VAV3: variants seen among roughly 807,000 people sequenced by gnomAD.
VAV3 encodes the protein guanine nucleotide exchange factor VAV3.
Under a neutral mutation model 131.2 loss-of-function variants are expected in VAV3, and 94 were observed. The observed-to-expected ratio is 0.72, with a 90% confidence interval of 0.61 to 0.85. The LOEUF (loss-of-function observed/expected upper bound fraction) is 0.85, where lower values mean the gene tolerates loss of function less well. VAV3 is among the 40% of genes least tolerant of loss of function. The pLI is 0.00. For synonymous variants in VAV3, 349 were observed against 342.0 expected (o/e 1.02, Z -0.22); for missense variants, 939 against 1,002.7 (o/e 0.94, Z 0.86).
intron 1 of VAV3, among the ~76,000 whole-genome samples, chr1:107,940,182 T>C (rs867688195): frequency 6.6e-6 from 1 of 152,214 alleles, no homozygotes; most frequent in Non-Finnish European, 1.5e-5. Context: ...TTGAAACAGC[T>C]TCAAGCTGTA....
intron 4 of VAV3, 78 bp downstream of exon 4, chr1:107,777,153 T>C: frequency 7.6e-7 from 1 of 1,312,036 alleles, no homozygotes; most frequent in Non-Finnish European, 1.1e-6. Flanking sequence ...GATAGCTTAC[T>C]TTAACATCCA....
chr1:107,705,921 A>G (rs1362234890), intron 15 of VAV3, among the ~76,000 whole-genome samples: 1 of 152,204 alleles, frequency 6.6e-6, no homozygotes, highest in African/African-American at 2.4e-5. Flanking sequence ...CAAGGAGGAG[A>G]TTCAGCAATG....
intron 1 of VAV3, among the ~76,000 whole-genome samples, chr1:107,887,222 C>T (rs778792947): frequency 2.6e-5 from 4 of 152,204 alleles, no homozygotes; most frequent in African/African-American, 4.8e-5. Flanking sequence ...CGCTCTTACC[C>T]GCATGGCAGA....
At chr1:107,853,056 T>C (rs1669299814) in intron 2 of VAV3, among the ~76,000 whole-genome samples, 1 of 152,232 alleles carries the variant, frequency 6.6e-6, no homozygotes, top group Non-Finnish European at 1.5e-5. Context: ...AAAGCATGTT[T>C]ACTGGTCACT....
At chr1:107,593,194 C>A (rs893334394) in intron 25 of VAV3, among the ~76,000 whole-genome samples, 1 of 152,064 alleles carries the variant, frequency 6.6e-6, no homozygotes, top group Non-Finnish European at 1.5e-5. Flanking sequence ...TAATTCTAAT[C>A]AATATCTTTT....
intron 2 of VAV3, among the ~76,000 whole-genome samples, chr1:107,782,928 AAT>A (rs1665773543): frequency 1.3e-5 from 2 of 152,334 alleles, no homozygotes; most frequent in African/African-American, 4.8e-5. Context: ...GTTACCACAA[AAT>A]AATAGGAAAT....
intron 8 of VAV3, among the ~76,000 whole-genome samples, chr1:107,765,419 G>A (rs1221964636): frequency 1.3e-5 from 2 of 152,070 alleles, no homozygotes; most frequent in Admixed American, 1.3e-4. Flanking sequence ...TTTATAGCAG[G>A]CAGAATTTAC....
intron 2 of VAV3, among the ~76,000 whole-genome samples, chr1:107,789,354 C>T (rs920836471): frequency 6.6e-5 from 10 of 152,164 alleles, no homozygotes; most frequent in African/African-American, 2.2e-4. Context: ...AAGGCCAGAA[C>T]GATAGGATCT....
In VAV3 at chr1:107,694,175, T is replaced by C. The variant is rs1357050667; in HGVS notation, c.1706-5769A>G. 4.6e-5 allele frequency among the ~76,000 whole-genome samples: 7 copies of C among 152,178 alleles called. No individual in the cohort carries two copies. In the East Asian group the frequency reaches 1.2e-3, roughly 25 times the overall value. On this transcript the variant is annotated intron_variant, in intron 17 of 26. Coordinates refer to ENST00000370056, the MANE Select transcript of VAV3 (RefSeq NM_006113.5). Reference sequence around the variant, plus strand: ...CCTTGGCAAATGCATAAAGCCTACATAGAAATAATTAGAGAACAATTTAAT... The same window carrying C: ...CCTTGGCAAATGCATAAAGCCTACACAGAAATAATTAGAGAACAATTTAAT...
chr1:107,668,602 A>G (rs1657571005), intron 19 of VAV3: 1 of 980,590 alleles, frequency 1.0e-6, no homozygotes, highest in African/African-American at 1.7e-5. Flanking sequence ...GAGTACAATG[A>G]AATGTGTAGA....
intron 19 of VAV3, among the ~76,000 whole-genome samples, chr1:107,662,527 T>C (rs1657096443): frequency 6.6e-6 from 1 of 152,166 alleles, no homozygotes. Context: ...CAATGATCAA[T>C]GTTTTTAGAG....
chr1:107,858,194 A>C (rs1669562376), intron 2 of VAV3, among the ~76,000 whole-genome samples: 1 of 152,188 alleles, frequency 6.6e-6, no homozygotes, highest in African/African-American at 2.4e-5. Flanking sequence ...AACTACAAGA[A>C]AATTTCCTTG....
intron 20 of VAV3, among the ~76,000 whole-genome samples, chr1:107,629,770 G>A (rs1654313914): frequency 6.6e-6 from 1 of 152,112 alleles, no homozygotes; most frequent in African/African-American, 2.4e-5. Flanking sequence ...TCATTCAATA[G>A]CATCAGAAAT....
Position 107,760,881 on chromosome 1 carries a change from TA to T in VAV3, c.922-3del, listed in dbSNP as rs565773939. The T allele has an allele frequency of 6.2e-7, 1 of 1,609,922 alleles. No homozygotes were observed. Among genetic ancestry groups the T allele is most frequent in the Non-Finnish European group, 8.5e-7 (1 of 1,176,596 alleles). On this transcript the variant is annotated splice_polypyrimidine_tract_variant and splice_region_variant and intron_variant, in intron 9 of 26. Coordinates refer to ENST00000370056, the MANE Select transcript of VAV3 (RefSeq NM_006113.5). ...ATTATTTGCTCTTTTGGAACATTCC[TA>T]ATGAAATGTTTTAAAAACACTTTGT... is the stretch of plus-strand genomic sequence containing the variant.
At chr1:107,964,595 A>T in intron 1 of VAV3, 71 bp downstream of exon 1, 1 of 1,524,822 alleles carries the variant, frequency 6.6e-7, no homozygotes, top group Non-Finnish European at 8.9e-7. Flanking sequence ...TTGCATTTAC[A>T]CAAAGAAATT....
At chr1:107,681,213 T>C (rs1265391808) in intron 19 of VAV3, among the ~76,000 whole-genome samples, 4 of 152,090 alleles carry the variant, frequency 2.6e-5, no homozygotes, top group African/African-American at 9.7e-5. Context: ...TGTTGACACT[T>C]GGAGATGTTA....
intron 17 of VAV3, among the ~76,000 whole-genome samples, chr1:107,688,948 T>C (rs1256058629): frequency 6.6e-6 from 1 of 152,078 alleles, no homozygotes; most frequent in Non-Finnish European, 1.5e-5. Flanking sequence ...AAAAAAAAAC[T>C]GAGTCAGGAT....
intron 2 of VAV3, among the ~76,000 whole-genome samples, chr1:107,796,758 T>A (rs1666565936): frequency 6.7e-6 from 1 of 149,304 alleles, no homozygotes; most frequent in Admixed American, 6.7e-5. Context: ...GTCTCACAAG[T>A]GGAGTTCAAG....
At position 107,936,069 on chromosome 1, in the gene VAV3, T is replaced by C. The variant is rs187548813; in HGVS notation, c.204+28597A>G. Among the ~76,000 whole-genome samples the C allele has an allele frequency of 3.3e-5, 5 of 152,326 alleles. No individual in the cohort carries two copies. The East Asian group carries it at 9.7e-4, about 29-fold the overall frequency. On this transcript the variant is annotated intron_variant, in intron 1 of 26. Transcript: ENST00000370056. ...GAGAAAAGTAAACGTAGGACATTAT[T>C]ACAGTTCCTAGATTTGATGAACTAA... is the stretch of plus-strand genomic sequence containing the variant.
Sources: gnomAD v4.1 joint callset for allele counts (sites outside exome capture counted in the v4.1 genomes callset) on GRCh38, gnomAD v4.1.1 for gene constraint, MANE v1.5 for transcripts, NCBI Gene and HGNC (gene_info 2026-07-23, HGNC 2026-07-21) for gene names.